Variants in SEMA3E observed in about 807,000 individuals in gnomAD.
SEMA3E encodes semaphorin 3E.
In SEMA3E, 49 loss-of-function variants were observed where a neutral mutation model predicts 93.6. The ratio of observed to expected loss-of-function variants is 0.52; its 90% CI spans 0.42 to 0.66. The LOEUF is 0.66. SEMA3E is among the 30% of genes least tolerant of loss of function. The pLI, the probability that SEMA3E is intolerant of heterozygous loss-of-function variation, is 0.00. For synonymous variants in SEMA3E, 363 were observed against 330.7 expected (o/e 1.10, Z -1.06); for missense variants, 906 against 964.8 (o/e 0.94, Z 0.81).
chr7:83,499,155 T>C (rs190346722), intron 1 of SEMA3E, among the ~76,000 whole-genome samples: 21 of 152,316 alleles, frequency 1.4e-4, no homozygotes, highest in African/African-American at 4.8e-4. Flanking sequence ...TTGAAATCTT[T>C]TAAATTTTTA....
intron 1 of SEMA3E, among the ~76,000 whole-genome samples, chr7:83,525,958 T>C (rs572859598): frequency 6.6e-6 from 1 of 152,118 alleles, no homozygotes; most frequent in East Asian, 1.9e-4. Flanking sequence ...TAGGTTATTT[T>C]TTTTTTTTTA....
chr7:83,543,020 G>A (rs1791570700), intron 1 of SEMA3E, among the ~76,000 whole-genome samples: 1 of 151,984 alleles, frequency 6.6e-6, no homozygotes, highest in African/African-American at 2.4e-5. Flanking sequence ...TAGTCTTAAG[G>A]CTTTAGGGAA....
intron 1 of SEMA3E, among the ~76,000 whole-genome samples, chr7:83,620,253 G>T (rs924963011): frequency 2.6e-5 from 4 of 151,910 alleles, no homozygotes; most frequent in Non-Finnish European, 5.9e-5. Context: ...TGACTTTGGT[G>T]TATTTCTGAT....
At chr7:83,546,988 A>G (rs1486008283) in intron 1 of SEMA3E, among the ~76,000 whole-genome samples, 2 of 152,122 alleles carry the variant, frequency 1.3e-5, no homozygotes, top group Non-Finnish European at 2.9e-5. Flanking sequence ...TAAAGCAAGA[A>G]TGGTGACATT....
intron 4 of SEMA3E, among the ~76,000 whole-genome samples, chr7:83,452,277 A>G (rs1242449919): frequency 6.6e-6 from 1 of 152,100 alleles, no homozygotes; most frequent in Non-Finnish European, 1.5e-5. Context: ...GGAGCATTTC[A>G]CTTTTCCTTA....
At chr7:83,513,186 A>G (rs1790858917) in intron 1 of SEMA3E, among the ~76,000 whole-genome samples, 1 of 152,176 alleles carries the variant, frequency 6.6e-6, no homozygotes, top group African/African-American at 2.4e-5. Context: ...CTTCCCAAGT[A>G]ATAGGTGGCT....
chr7:83,562,096 C>G (rs113875335), intron 1 of SEMA3E, among the ~76,000 whole-genome samples: 1 of 151,900 alleles, frequency 6.6e-6, no homozygotes, highest in African/African-American at 2.4e-5. Context: ...CAATTGGATA[C>G]GTATATTTGA....
chr7:83,511,903 A>G (rs189003250), intron 1 of SEMA3E, among the ~76,000 whole-genome samples: 10 of 152,262 alleles, frequency 6.6e-5, no homozygotes, highest in East Asian at 3.9e-4. Flanking sequence ...CTCAAAATAA[A>G]TAAGTAAAGT....
At chr7:83,369,527 G>A (rs1794722210) in intron 16 of SEMA3E, among the ~76,000 whole-genome samples, 1 of 152,152 alleles carries the variant, frequency 6.6e-6, no homozygotes, top group African/African-American at 2.4e-5. Context: ...GCTTCAGAGT[G>A]TCCTAGTTGG....
chr7:83,456,034 G>T (rs115270180), intron 4 of SEMA3E, among the ~76,000 whole-genome samples: 1,730 of 152,332 alleles, frequency 0.011, 35 homozygotes, highest in African/African-American at 0.039. Flanking sequence ...AGTGTGTGAA[G>T]CTGTGTTTTA....
rs1788000552 is a variant in SEMA3E at position 83,390,711 on chromosome 7, A to G, written c.1667+1844T>C. Among the ~76,000 whole-genome samples the G allele has an allele frequency of 2.6e-5, 4 of 152,326 alleles. No individual in the cohort carries two copies. In the South Asian group the frequency reaches 6.2e-4, roughly 24 times the overall value. On this transcript the variant is annotated intron_variant, in intron 14 of 16. Coordinates refer to ENST00000643230, the MANE Select transcript of SEMA3E (RefSeq NM_012431.3). ...TGATGGTTCAAAAGAATTTGACAGC[A>G]CTGAAAGATCTCCATTACATGTCAC...
chr7:83,611,290 A>T (rs1193019907), intron 1 of SEMA3E, among the ~76,000 whole-genome samples: 2 of 143,492 alleles, frequency 1.4e-5, no homozygotes, highest in South Asian at 4.2e-4. Context: ...TATATATTAA[A>T]TTTATATATT....
intron 4 of SEMA3E, among the ~76,000 whole-genome samples, chr7:83,452,018 G>A (rs1789370497): frequency 6.6e-6 from 1 of 152,164 alleles, no homozygotes; most frequent in Admixed American, 6.5e-5. Flanking sequence ...AGGATTAACA[G>A]TTGAAAAATA....
intron 1 of SEMA3E, among the ~76,000 whole-genome samples, chr7:83,585,908 T>C (rs1346432699): frequency 6.6e-6 from 1 of 152,164 alleles, no homozygotes; most frequent in Non-Finnish European, 1.5e-5. Flanking sequence ...CCTGCCTTGC[T>C]ACCTACTTCA....
At chr7:83,411,666 A>G (rs1788441315) in intron 5 of SEMA3E, among the ~76,000 whole-genome samples, 1 of 152,112 alleles carries the variant, frequency 6.6e-6, no homozygotes, top group Admixed American at 6.6e-5. Flanking sequence ...TACAATTTGT[A>G]GGAAATACAT....
intron 1 of SEMA3E, among the ~76,000 whole-genome samples, chr7:83,644,750 A>G (rs1208671150): frequency 2.0e-5 from 3 of 152,014 alleles, no homozygotes; most frequent in African/African-American, 7.2e-5. Context: ...AATACCCAAT[A>G]CAGATACACT....
chr7:83,549,922 AAATC>A (rs1403699146), intron 1 of SEMA3E, among the ~76,000 whole-genome samples: 3 of 152,062 alleles, frequency 2.0e-5, no homozygotes, highest in Non-Finnish European at 4.4e-5. Flanking sequence ...TTCATTTCCA[AAATC>A]AATCTTTTTC....
In SEMA3E at chr7:83,617,491, A is replaced by T. The variant is rs1351445754; in HGVS notation, c.115+30937T>A. Among the ~76,000 whole-genome samples the T allele has an allele frequency of 5.6e-3, 65 of 11,548 alleles. 8 individuals are homozygous for T. Among genetic ancestry groups the T allele is most frequent in the East Asian group, 6.7e-3 (3 of 446 alleles). 7.6% of individuals were successfully genotyped at this position (11,548 alleles called of 152,430 possible). A position where few individuals can be genotyped will look rare whatever the true frequency, so the allele number is the denominator to read the frequency against. ...AATTTTATATAAATTTTATATAAAT[A>T]ATATATAATTTTATATAAATAATAT... On this transcript the variant is annotated intron_variant, in intron 1 of 16. Coordinates refer to ENST00000643230, the MANE Select transcript of SEMA3E (RefSeq NM_012431.3).
At chr7:83,630,071 A>G (rs1484603051) in intron 1 of SEMA3E, among the ~76,000 whole-genome samples, 2 of 152,094 alleles carry the variant, frequency 1.3e-5, no homozygotes, top group Non-Finnish European at 2.9e-5. Context: ...CTTCCCTGTG[A>G]GGCAACACCC....
Sources: gnomAD v4.1 joint callset for allele counts (sites outside exome capture counted in the v4.1 genomes callset) on GRCh38, gnomAD v4.1.1 for gene constraint, MANE v1.5 for transcripts, NCBI Gene and HGNC (gene_info 2026-07-23, HGNC 2026-07-21) for gene names.